SLC8A3: variants seen among roughly 807,000 people sequenced by gnomAD.
SLC8A3 encodes the protein sodium/calcium exchanger 3.
Under a neutral mutation model 65.4 loss-of-function variants are expected in SLC8A3, and 37 were observed. That is an observed-to-expected ratio of 0.57 (90% confidence interval 0.44 to 0.74). The LOEUF (loss-of-function observed/expected upper bound fraction) is 0.74. Among genes scored for constraint, SLC8A3 ranks in the 30% least tolerant of loss-of-function variants. The pLI, the probability that SLC8A3 is intolerant of heterozygous loss-of-function variation, is 0.00. For missense variants in SLC8A3, 1,112 were observed against 1,172.1 expected (o/e 0.95, Z 0.75); for synonymous variants, 461 against 444.5 (o/e 1.04, Z -0.47).
intron 2 of SLC8A3, among the ~76,000 whole-genome samples, chr14:70,166,420 G>T (rs1897163290): frequency 6.6e-6 from 1 of 152,198 alleles, no homozygotes; most frequent in Non-Finnish European, 1.5e-5. Context: ...CTTGTCACAG[G>T]ATTCCTTGCC....
chr14:70,087,969 A>C (rs1891553660), intron 2 of SLC8A3, among the ~76,000 whole-genome samples: 2 of 152,258 alleles, frequency 1.3e-5, no homozygotes, highest in Admixed American at 6.5e-5. Context: ...GTAATATTTC[A>C]TAATTATAGA....
chr14:70,086,942 C>T (rs965133957), intron 2 of SLC8A3, among the ~76,000 whole-genome samples: 27 of 152,304 alleles, frequency 1.8e-4, no homozygotes, highest in African/African-American at 4.8e-4. Context: ...TGCTGAGTTA[C>T]GTGTGCTGGA....
chr14:70,133,009 A>G (rs1894950635), intron 2 of SLC8A3, among the ~76,000 whole-genome samples: 1 of 151,144 alleles, frequency 6.6e-6, no homozygotes. Context: ...ACACTCAATA[A>G]ACCCCCCCAA....
intron 2 of SLC8A3, among the ~76,000 whole-genome samples, chr14:70,156,272 G>A (rs551421093): frequency 6.6e-6 from 1 of 152,154 alleles, no homozygotes; most frequent in African/African-American, 2.4e-5. Context: ...GTTATATGTA[G>A]GATAAAGAAA....
At chr14:70,180,338 G>A (rs142011402) in intron 1 of SLC8A3, among the ~76,000 whole-genome samples, 87 of 152,254 alleles carry the variant, frequency 5.7e-4, no homozygotes, top group African/African-American at 1.9e-3. Flanking sequence ...AAAACCTGGC[G>A]AGCAGTCAAA....
In SLC8A3 at chr14:70,044,260, A is replaced by T. The variant is rs1886495670; in HGVS notation, c.*1687T>A. 6.6e-6 allele frequency: 1 copy of T among 151,926 alleles called. No individual in the cohort carries two copies. Among genetic ancestry groups the T allele is most frequent in the Non-Finnish European group, 1.5e-5 (1 of 67,986 alleles). The allele number at this position is 151,926 out of a possible 1,614,324, so 9.4% of individuals were successfully genotyped here. On this transcript the variant is annotated 3_prime_UTR_variant, in exon 7 of 7. Coordinates refer to ENST00000356921, the MANE Select transcript of SLC8A3 (RefSeq NM_182932.3). The stretch of plus-strand genomic sequence containing the variant: ...ATAGCTTTTATTTTTTTTTTGAACC[A>T]ACCCAACATTTCCACTGGCAACTGT...
intron 2 of SLC8A3, among the ~76,000 whole-genome samples, chr14:70,152,425 G>C (rs1340973120): frequency 6.6e-6 from 1 of 152,088 alleles, no homozygotes; most frequent in Non-Finnish European, 1.5e-5. Flanking sequence ...ATTTGCAGGG[G>C]AAGTGTGCCA....
At chr14:70,061,240 C>T (rs776177897) in intron 2 of SLC8A3, among the ~76,000 whole-genome samples, 50 of 152,114 alleles carry the variant, frequency 3.3e-4, no homozygotes, top group Middle Eastern at 6.8e-3. Context: ...AGGCAGAAGG[C>T]GGGTAATGGT....
chr14:70,183,241 T>C (rs894840804), intron 1 of SLC8A3, among the ~76,000 whole-genome samples: 13 of 152,220 alleles, frequency 8.5e-5, no homozygotes, highest in Admixed American at 7.9e-4. Flanking sequence ...CCAAATTACA[T>C]ATAGATGAAA....
intron 2 of SLC8A3, among the ~76,000 whole-genome samples, chr14:70,120,108 A>T (rs933928676): frequency 1.3e-5 from 2 of 152,230 alleles, no homozygotes; most frequent in Non-Finnish European, 2.9e-5. Context: ...GGTGGAGCCA[A>T]TACGATGGAA....
intron 2 of SLC8A3, among the ~76,000 whole-genome samples, chr14:70,092,046 C>A (rs1345730527): frequency 6.6e-6 from 1 of 152,150 alleles, no homozygotes; most frequent in Non-Finnish European, 1.5e-5. Context: ...TGATTCTATT[C>A]TAAAGAAATC....
At chr14:70,143,191 G>A (rs941673500) in intron 2 of SLC8A3, among the ~76,000 whole-genome samples, 3 of 152,174 alleles carry the variant, frequency 2.0e-5, no homozygotes, top group Non-Finnish European at 2.9e-5. Context: ...CTGTAGATGC[G>A]TTAAGTTTTG....
At chr14:70,121,157 G>A (rs61977439) in intron 2 of SLC8A3, among the ~76,000 whole-genome samples, 17,565 of 152,016 alleles carry the variant, frequency 0.12, 1,212 homozygotes, top group Non-Finnish European at 0.16. Context: ...TGAGCCTATG[G>A]TCTCATAACC....
At chr14:70,171,242 G>T (rs891611684) in intron 1 of SLC8A3, among the ~76,000 whole-genome samples, 4 of 152,196 alleles carry the variant, frequency 2.6e-5, no homozygotes, top group African/African-American at 7.2e-5. Context: ...CCATGGGGGA[G>T]AGAAGAGAGC....
chr14:70,052,254 T>A (rs1282137597), intron 3 of SLC8A3, 140 bp from the exon 4 acceptor site: 3 of 1,057,108 alleles, frequency 2.8e-6, no homozygotes, highest in Non-Finnish European at 3.9e-6. Context: ...TTTTAGTGCC[T>A]TTTTTATGAA....
At chr14:70,079,843 C>T (rs1380314096) in intron 2 of SLC8A3, 1 of 152,674 alleles carries the variant, frequency 6.5e-6, no homozygotes, top group Non-Finnish European at 1.5e-5. Context: ...AGCAAAATCT[C>T]TCACTTGCAC....
At chr14:70,060,638 T>C in intron 3 of SLC8A3, 198 bp downstream of exon 3, 2 of 721,910 alleles carry the variant, frequency 2.8e-6, no homozygotes, top group Non-Finnish European at 5.1e-6. Context: ...GCAGAGATGA[T>C]ACCGAAACAG....
At chr14:70,126,570 T>TCTCTCTCTCACACA (rs1385909771) in intron 2 of SLC8A3, among the ~76,000 whole-genome samples, 32 of 117,112 alleles carry the variant, frequency 2.7e-4, no homozygotes, top group South Asian at 8.9e-4. Flanking sequence ...TCTCTCTCTC[T>TCTCTCTCTCACACA]CACACACACA....
intron 2 of SLC8A3, among the ~76,000 whole-genome samples, chr14:70,158,178 C>T (rs971817451): frequency 6.6e-5 from 10 of 152,126 alleles, no homozygotes; most frequent in African/African-American, 2.2e-4. Flanking sequence ...GAAGAGACAG[C>T]AAATGTAAGA....
Sources: allele counts gnomAD v4.1 joint callset (sites outside exome capture counted in the v4.1 genomes callset), GRCh38; gene constraint gnomAD v4.1.1; transcripts MANE v1.5; gene names NCBI Gene and HGNC (gene_info 2026-07-23, HGNC 2026-07-21).